Variants in LILRB5 observed in about 807,000 individuals in gnomAD.
LILRB5 encodes leukocyte immunoglobulin-like receptor subfamily B member 5.
LILRB5 carries 61 observed loss-of-function variants against 68.4 expected under a neutral mutation model. The observed-to-expected ratio is 0.89, with a 90% CI of 0.73 to 1.10. The LOEUF is 1.10. Among genes scored for constraint, LILRB5 ranks in the 50% least tolerant of loss-of-function variants. The probability of loss-of-function intolerance (pLI) is 0.00; values close to 1 mark genes in which losing one functional copy is unlikely to be tolerated. For missense variants in LILRB5, 771 were observed against 751.6 expected (o/e 1.03, Z -0.30); for synonymous variants, 356 against 315.8 (o/e 1.13, Z -1.35).
rs988426259 is a variant in LILRB5, at chr19:54,253,990, C to T, written c.1357+28G>A. The T allele has an allele frequency of 1.1e-5, 17 of 1,572,980 alleles. 1 individual carries two copies. In the Admixed American group the frequency reaches 2.4e-4, roughly 22 times the overall value. On this transcript the variant is annotated intron_variant, in intron 8 of 12. Coordinates refer to ENST00000449561, the MANE Select transcript of LILRB5 (RefSeq NM_001081442.3). ...ACCCCTGCCTCCCCTGGTCTCCGCC[C>T]ACCTCCCACTCAGAGCCCCTCACTC...
chr19:54,251,797 T>A (rs766052146), intron 12 of LILRB5: 29 of 693,798 alleles, frequency 4.2e-5, no homozygotes, highest in South Asian at 1.1e-4. Context: ...CTCATCCTCC[T>A]GAGGCCTGGG....
chr19:54,254,083 G>A lies in LILRB5; in HGVS notation c.1307-15C>T, dbSNP rs1226416646. 6.3e-7 allele frequency: 1 copy of A among 1,590,646 alleles called. No individual in the cohort carries two copies. Among genetic ancestry groups the A allele is most frequent in the Admixed American group, 1.8e-5 (1 of 56,342 alleles). On this transcript the variant is annotated splice_polypyrimidine_tract_variant and intron_variant, in intron 7 of 12. Coordinates refer to ENST00000449561, the MANE Select transcript of LILRB5 (RefSeq NM_001081442.3). ...CTCAGGGCCTGCTGGGTCAGGACGG[G>A]GAGGTGAGGGCTGGGGCTGCCCTGC... is the stretch of plus-strand genomic sequence containing the variant.
At chr19:54,253,614 T>A (rs1472022539) in intron 8 of LILRB5, 1 of 510,300 alleles carries the variant, frequency 2.0e-6, no homozygotes, top group Non-Finnish European at 3.6e-6. Context: ...CTGAGCCAGT[T>A]TACAGCTGCT....
chr19:54,252,911 G>A lies in LILRB5; in HGVS notation c.1434C>T (p.Leu478=), dbSNP rs1433985117. The A allele has an allele frequency of 6.3e-7, 1 of 1,595,194 alleles. No individual in the cohort carries two copies. Among genetic ancestry groups the A allele is most frequent in the East Asian group, 2.3e-5 (1 of 43,050 alleles). The change falls in exon 9 of 13, where the codon CTC becomes CTT. Residue 478 remains leucine, a synonymous_variant. Transcript: ENST00000449561. ...FVLLLFLLLF[L]LLRHRHQSKH... ...TGCTCTGATGCCGATGTCGGAGGAG[G>A]AGGAAGAGGAGGAGGAACAGCAGCA...
chr19:54,252,502 G>A lies in LILRB5; in HGVS notation c.1522C>T (p.Gln508Ter), dbSNP rs772437158. ...AGAAGPEPKDQGLQKRASPVA... is the reference protein window; with the variant it reads ...AGAAGPEPKD ...CAGAATTACCTCTTCTGCAGGCCCT[G>A]GTCCTTGGGCTCTGGCCCCGCAGCC... The change falls in exon 10 of 13, where the codon CAG becomes TAG. Residue 508 changes from glutamine (Q) to a stop codon, truncating the protein, a stop_gained. Transcript: ENST00000449561. LOFTEE classifies it high-confidence loss of function. 1 of 1,613,980 alleles carries A rather than the reference G, an allele frequency of 6.2e-7. No individual in the cohort carries two copies. The highest frequency in any genetic ancestry group is 1.3e-5 in the African/African-American group (1 of 74,906).
Position 54,250,801 on chromosome 19 carries a change from G to A in LILRB5, c.1761C>T (p.Pro587=), listed in dbSNP as rs200131930. The change falls in exon 13 of 13, where the codon CCC becomes CCT. Residue 587 remains proline, a synonymous_variant. Transcript: ENST00000449561. The part of the protein sequence containing the change: ...EPPAEPSIYA[P]LAIH Reference sequence around the variant, plus strand: ...CCCCCGTGGGCTAGTGGATGGCCAGGGGGGCGTAGATGCTGGGTTCAGCTG... The same window carrying A: ...CCCCCGTGGGCTAGTGGATGGCCAGAGGGGCGTAGATGCTGGGTTCAGCTG... 183 of 1,614,116 alleles carry A rather than the reference G, an allele frequency of 1.1e-4. No homozygotes were observed. The East Asian group carries it at 2.2e-3, about 19-fold the overall frequency.
intron 10 of LILRB5, 38 bp downstream of exon 10, chr19:54,252,448 C>G (rs764850667): frequency 1.2e-6 from 2 of 1,613,852 alleles, no homozygotes; most frequent in East Asian, 2.2e-5. Context: ...GGGGGCTGTG[C>G]GGGTGGATGG....
intron 4 of LILRB5, 114 bp downstream of exon 4, chr19:54,255,929 C>T: frequency 1.1e-6 from 1 of 898,590 alleles, no homozygotes; most frequent in Non-Finnish European, 1.7e-6. Flanking sequence ...ACGCCTTCAG[C>T]CCATCCATCA....
rs1343264317 is a variant in LILRB5, at chr19:54,252,566, A to T, written c.1475-17T>A. 2 of 1,613,458 alleles carry T rather than the reference A, an allele frequency of 1.2e-6. No homozygotes were observed. The highest frequency in any genetic ancestry group is 3.3e-5 in the Admixed American group (2 of 60,014). On this transcript the variant is annotated splice_polypyrimidine_tract_variant and intron_variant, in intron 9 of 12. Coordinates refer to ENST00000449561, the MANE Select transcript of LILRB5 (RefSeq NM_001081442.3). ...AGAAATGGGCTGGACAGAGATGGAC[A>T]GAGGGTCAGGCCTGGGAGAATTCGA...
At chr19:54,257,071 T>C in intron 1 of LILRB5, 75 bp from the exon 2 acceptor site, 2 of 1,613,852 alleles carry the variant, frequency 1.2e-6, no homozygotes, top group Non-Finnish European at 8.5e-7. Context: ...GAGCCTCTGA[T>C]AGACCAGATT....
At position 54,257,207 on chromosome 19, in the gene LILRB5, A is replaced by C; in HGVS notation, c.-14T>G. The C allele has an allele frequency of 6.2e-7, 1 of 1,614,168 alleles. No homozygotes were observed. The highest frequency in any genetic ancestry group is 8.5e-7 in the Non-Finnish European group (1 of 1,180,012). On this transcript the variant is annotated 5_prime_UTR_variant, in exon 1 of 13. Transcript: ENST00000449561. ...GGTGAGGGTCATGGCGTCAGCTCCC[A>C]CTGGACTCAGCTGTGCAGGCGGATG...
In LILRB5 at chr19:54,254,824, T is replaced by C. The variant is rs754993256; in HGVS notation, c.1166A>G (p.Gln389Arg). The change falls in exon 6 of 13, where the codon CAG becomes CGG. Residue 389 changes from glutamine to arginine, a missense_variant. By Grantham distance (43) the Gln-to-Arg change is conservative. Coordinates refer to ENST00000449561, the MANE Select transcript of LILRB5 (RefSeq NM_001081442.3). Reference protein sequence around the residue: ...EFSMSPVTSAQGGTYRCYSAI... With the variant: ...EFSMSPVTSARGGTYRCYSAI... ...GCTGTAGCATCGGTAGGTTCCACCC[T>C]GGGCTGAGGTCACAGGACTCATGGA... 1.2e-6 allele frequency: 2 copies of C among 1,614,180 alleles called. No individual in the cohort carries two copies. The highest frequency in any genetic ancestry group is 1.1e-5 in the South Asian group (1 of 91,088).
In LILRB5 at chr19:54,256,559, T is replaced by C. The variant is rs1280713205; in HGVS notation, c.285A>G (p.Arg95=). 6.8e-6 allele frequency: 11 copies of C among 1,614,018 alleles called. No homozygotes were observed. The highest frequency in any genetic ancestry group is 1.3e-5 in the African/African-American group (1 of 74,904). Residue 95 remains arginine, a synonymous_variant, in exon 3 of 13, where the codon CGA becomes CGG. Coordinates refer to ENST00000449561, the MANE Select transcript of LILRB5 (RefSeq NM_001081442.3). ...CAGGGGTCTCATAGTAGCAGCGGTATCGCCCTGCACTGTCATACACCGTGG... is the reference window on the plus strand; with the variant it reads ...CAGGGGTCTCATAGTAGCAGCGGTACCGCCCTGCACTGTCATACACCGTGG... ...IPSTVYDSAG[R]YRCYYETPAG...
chr19:54,253,055 G>A (rs1164751443), intron 8 of LILRB5, 68 bp from the exon 9 acceptor site: 5 of 1,025,096 alleles, frequency 4.9e-6, no homozygotes, highest in Admixed American at 2.6e-5. Flanking sequence ...GTGCAGGCGC[G>A]AGCTAGGTCT....
At chr19:54,252,436 G>A in intron 10 of LILRB5, 33 bp from the exon 11 acceptor site, 1 of 1,614,104 alleles carries the variant, frequency 6.2e-7, no homozygotes, top group Non-Finnish European at 8.5e-7. Context: ...GAGGGGCAGT[G>A]AGGGGGCTGT....
chr19:54,252,712 C>T, intron 9 of LILRB5, 159 bp downstream of exon 9: 1 of 1,005,878 alleles, frequency 9.9e-7, no homozygotes, highest in Non-Finnish European at 1.5e-6. Flanking sequence ...CACTTCCACA[C>T]ATGCTCACAT....
At chr19:54,252,262 C>T (rs987312395) in intron 11 of LILRB5, 104 bp downstream of exon 11, 3 of 1,447,596 alleles carry the variant, frequency 2.1e-6, no homozygotes, top group East Asian at 2.3e-5. Context: ...ACCGCCTCCC[C>T]CTTGGCCCCA....
In LILRB5 at chr19:54,254,710, G is replaced by A. The variant is rs958233323; in HGVS notation, c.1255+25C>T. 4 of 1,612,562 alleles carry A rather than the reference G, an allele frequency of 2.5e-6. No individual in the cohort carries two copies. In the African/African-American group the frequency reaches 5.3e-5, roughly 22 times the overall value. ...GGCCTGAGCTGAGCCTTTGAGCTTG[G>A]ACAGGACAGGGTCAGGGCCCTCACC... On this transcript the variant is annotated intron_variant, in intron 6 of 12. Coordinates refer to ENST00000449561, the MANE Select transcript of LILRB5 (RefSeq NM_001081442.3).
At position 54,255,553 on chromosome 19, in the gene LILRB5, G is replaced by A. The variant is rs1012662870; in HGVS notation, c.685C>T (p.Pro229Ser). The change falls in exon 5 of 13, where the codon CCG becomes TCG. Residue 229 changes from proline to serine, a missense_variant. Transcript: ENST00000449561. ...CCGCGGGCCACGACAGAGCCCTGCG[G>A]GATCAGGAGGGAGGGCTTCCTAGAC... ...GVSRKPSLLI[P>S]QGSVVARGGS... 2 of 1,613,782 alleles carry A rather than the reference G, an allele frequency of 1.2e-6. No homozygotes were observed. Among genetic ancestry groups the A allele is most frequent in the Admixed American group, 1.7e-5 (1 of 60,006 alleles).
Sources: allele counts gnomAD v4.1 joint callset, GRCh38; gene constraint gnomAD v4.1.1; transcripts MANE v1.5; gene names NCBI Gene and HGNC (gene_info 2026-07-23, HGNC 2026-07-21).